Variants in NPIPB13 observed in about 807,000 individuals in gnomAD.
The protein encoded by NPIPB13 is nuclear pore complex interacting protein family, member B13.
At chr16:30,232,154 T>TACACACAC (rs1194041795) in intron 3 of NPIPB13, among the ~76,000 whole-genome samples, 3 of 51,048 alleles carry the variant, frequency 5.9e-5, no homozygotes, top group South Asian at 4.0e-4. Context: ...CTCTGTCACA[T>TACACACAC]ACACACACAC....
intron 2 of NPIPB13, among the ~76,000 whole-genome samples, chr16:30,241,877 T>C (rs1596940832): frequency 3.0e-5 from 2 of 66,272 alleles, no homozygotes; most frequent in South Asian, 1.0e-3. Context: ...GTTGTGGTGG[T>C]TGTAAAAGGA....
At chr16:30,228,898 GCTC>G (rs1233399426) in intron 5 of NPIPB13, among the ~76,000 whole-genome samples, 1 of 152,288 alleles carries the variant, frequency 6.6e-6, no homozygotes, top group Non-Finnish European at 1.5e-5. Flanking sequence ...GCAGAGGATT[GCTC>G]CTCATCTGAC....
intron 3 of NPIPB13, among the ~76,000 whole-genome samples, chr16:30,232,410 G>A (rs1469958354): frequency 3.5e-4 from 49 of 141,620 alleles, no homozygotes; most frequent in African/African-American, 1.2e-3. Context: ...CTTGTGGTGA[G>A]CTGAGATTGT....
intron 3 of NPIPB13, among the ~76,000 whole-genome samples, chr16:30,232,465 CAAAAAA>C (rs141086998): frequency 8.7e-6 from 1 of 115,332 alleles, no homozygotes; most frequent in East Asian, 2.5e-4. Context: ...ACTCTTGTCT[CAAAAAA>C]AAAAAAAAAA....
chr16:30,241,609 C>T (rs1332513703), intron 2 of NPIPB13, among the ~76,000 whole-genome samples: 1 of 37,326 alleles, frequency 2.7e-5, no homozygotes, highest in African/African-American at 9.2e-5. Context: ...AGGCGGATCA[C>T]GAGGTTAGGA....
At position 30,232,583 on chromosome 16, in the gene NPIPB13, T is replaced by C. The variant is rs1302484460; in HGVS notation, c.250-736A>G. On this transcript the variant is annotated intron_variant, in intron 3 of 7. Transcript: ENST00000520915. The stretch of plus-strand genomic sequence containing the variant: ...GAGATGGAGACCATCCTGGGCAACA[T>C]GGTGAAACCCCGTCTCTACTAAAAA... Among the ~76,000 whole-genome samples the C allele has an allele frequency of 2.4e-4, 17 of 70,008 alleles. No individual in the cohort carries two copies. The South Asian group carries it at 3.7e-3, about 15-fold the overall frequency. The allele number at this position is 70,008 out of a possible 152,430, so 45.9% of individuals were successfully genotyped here.
intron 2 of NPIPB13, among the ~76,000 whole-genome samples, chr16:30,242,070 GGCTCCCCAAA>G (rs1308490463): frequency 7.6e-4 from 3 of 3,956 alleles, no homozygotes; most frequent in Admixed American, 1.7e-3. Flanking sequence ...GCCCAGGAAA[GGCTCCCCAAA>G]GCCAGGATCA....
chr16:30,232,557 A>G (rs2073560809), intron 3 of NPIPB13, among the ~76,000 whole-genome samples: 1 of 89,756 alleles, frequency 1.1e-5, no homozygotes, highest in Non-Finnish European at 2.7e-5. Flanking sequence ...CACAAGGTCA[A>G]GAGATGGAGA....
intron 3 of NPIPB13, among the ~76,000 whole-genome samples, chr16:30,232,461 G>A: frequency 7.1e-6 from 1 of 141,046 alleles, no homozygotes; most frequent in Admixed American, 7.1e-5. Flanking sequence ...TGAAACTCTT[G>A]TCTCAAAAAA....
intron 3 of NPIPB13, among the ~76,000 whole-genome samples, chr16:30,232,503 C>G (rs1221590711): frequency 1.4e-5 from 2 of 139,668 alleles, no homozygotes; most frequent in Non-Finnish European, 3.2e-5. Context: ...TGCGGTAGCT[C>G]ACGCCTGTAA....
intron 2 of NPIPB13, among the ~76,000 whole-genome samples, chr16:30,244,512 TG>T (rs1190705667): frequency 8.6e-6 from 1 of 116,852 alleles, no homozygotes; most frequent in Non-Finnish European, 1.8e-5. Context: ...TGTGTGTGTG[TG>T]TGTGTGTGTG....
chr16:30,232,467 A>G (rs1468666996), intron 3 of NPIPB13, among the ~76,000 whole-genome samples: 9 of 109,742 alleles, frequency 8.2e-5, no homozygotes, highest in African/African-American at 2.9e-4. Context: ...TCTTGTCTCA[A>G]AAAAAAAAAA....
intron 2 of NPIPB13, among the ~76,000 whole-genome samples, chr16:30,241,603 G>A (rs1288197289): frequency 2.2e-4 from 8 of 36,734 alleles, no homozygotes; most frequent in Admixed American, 2.8e-4. Flanking sequence ...TGAGGCAGGC[G>A]GATCACGAGG....
intron 2 of NPIPB13, among the ~76,000 whole-genome samples, chr16:30,236,431 TG>T (rs2073571285): frequency 2.1e-5 from 2 of 97,324 alleles, no homozygotes; most frequent in African/African-American, 7.3e-5. Flanking sequence ...TTTGTGGAGA[TG>T]GGGTTTTGCC....
At chr16:30,245,244 T>TGA (rs2073608411) in intron 2 of NPIPB13, among the ~76,000 whole-genome samples, 1 of 150,094 alleles carries the variant, frequency 6.7e-6, no homozygotes, top group Non-Finnish European at 1.5e-5. Flanking sequence ...TGATTCCTTT[T>TGA]GAGTTTCTGA....
intron 5 of NPIPB13, among the ~76,000 whole-genome samples, chr16:30,230,877 TAAAAAAAAAAAA>T (rs1200193892): frequency 3.6e-5 from 2 of 55,048 alleles, no homozygotes; most frequent in South Asian, 5.7e-4. Flanking sequence ...ATCTCAAAAT[TAAAAAAAAAAAA>T]AAAAAAAAAA....
intron 2 of NPIPB13, among the ~76,000 whole-genome samples, chr16:30,244,522 T>G (rs1276023928): frequency 1.7e-5 from 2 of 116,872 alleles, no homozygotes; most frequent in African/African-American, 3.4e-5. Context: ...TGTGTGTGTG[T>G]GTGTGTGTGT....
At chr16:30,228,870 CAACT>C (rs1275405600) in intron 5 of NPIPB13, among the ~76,000 whole-genome samples, 2 of 152,224 alleles carry the variant, frequency 1.3e-5, no homozygotes, top group African/African-American at 2.4e-5. Flanking sequence ...CAATTCATCA[CAACT>C]AACTCCATCG....
Position 30,232,281 on chromosome 16 carries a change from A to T in NPIPB13, c.250-434T>A, listed in dbSNP as rs2073556524. Among the ~76,000 whole-genome samples the T allele has an allele frequency of 6.8e-5, 4 of 58,876 alleles. No homozygotes were observed. The South Asian group carries it at 1.4e-3, about 20-fold the overall frequency. The allele number at this position is 58,876 out of a possible 152,430, so 38.6% of individuals were successfully genotyped here. On this transcript the variant is annotated intron_variant, in intron 3 of 7. Transcript: ENST00000520915. Reference sequence around the variant, plus strand: ...GGAGTTTGAGACCAGCCTCACCAACATGGAGAAACGCTGTCTCTGCTAAAA... The same window carrying T: ...GGAGTTTGAGACCAGCCTCACCAACTTGGAGAAACGCTGTCTCTGCTAAAA...
Sources: gnomAD v4.1 joint callset for allele counts (sites outside exome capture counted in the v4.1 genomes callset) on GRCh38, gnomAD v4.1.1 for gene constraint, MANE v1.5 for transcripts, NCBI Gene and HGNC (gene_info 2026-07-23, HGNC 2026-07-21) for gene names.